The following VPS13A variants were observed in gnomAD, a reference collection of about 807,000 sequenced individuals.
VPS13A encodes the protein vacuolar protein sorting 13 homolog A, also known as intermembrane lipid transfer protein VPS13A.
Under a neutral mutation model 390.9 loss-of-function variants are expected in VPS13A, and 264 were observed. The observed-to-expected ratio is 0.68, with a 90% CI of 0.61 to 0.75. The LOEUF is 0.75. VPS13A is among the 30% of genes least tolerant of loss of function. VPS13A has a pLI of 0.00. For missense variants in VPS13A, 3,409 were observed against 3,733.9 expected (o/e 0.91, Z 2.27); for synonymous variants, 1,231 against 1,227.1 (o/e 1.00, Z -0.07).
chr9:77,258,109 T>C (rs1467518311), intron 22 of VPS13A, among the ~76,000 whole-genome samples: 1 of 152,222 alleles, frequency 6.6e-6, no homozygotes, highest in Non-Finnish European at 1.5e-5. Flanking sequence ...AGATTATTTA[T>C]TTCTAAATAG....
At chr9:77,227,296 A>G in intron 15 of VPS13A, 95 bp from the exon 16 acceptor site, 1 of 924,112 alleles carries the variant, frequency 1.1e-6, no homozygotes. Context: ...CGTTCAAGAA[A>G]GTAAATTTCA....
Position 77,206,068 on chromosome 9 carries a change from T to C in VPS13A, c.374T>C (p.Val125Ala), listed in dbSNP as rs554301406. Residue 125 changes from valine to alanine, a missense_variant, in exon 5 of 72, where the codon GTA (valine) becomes GCA (alanine). This residue lies in a region of VPS13A where 2,717 missense variants were observed against 2,917.4 expected (regional missense o/e 0.93). Coordinates refer to ENST00000360280, the MANE Select transcript of VPS13A (RefSeq NM_033305.3). The stretch of plus-strand genomic sequence containing the variant: ...AGAATAGAAGAAGCAAAACAAAAAG[T>C]AGTTGATCAAGGTAAAGAAAACAGT... ...LKRIEEAKQK[V>A]VDQEQHLPEK... The C allele has an allele frequency of 6.4e-7, 1 of 1,572,774 alleles. No homozygotes were observed. Among genetic ancestry groups the C allele is most frequent in the African/African-American group, 1.4e-5 (1 of 74,072 alleles).
At chr9:77,226,722 T>C in intron 15 of VPS13A, 124 bp downstream of exon 15, 1 of 819,704 alleles carries the variant, frequency 1.2e-6, no homozygotes, top group South Asian at 3.3e-5. Flanking sequence ...ATAAAGTTAT[T>C]ACAAATAAAA....
Position 77,276,060 on chromosome 9 carries a change from T to A in VPS13A, c.2668-5T>A. 1 of 1,611,286 alleles carries A rather than the reference T, an allele frequency of 6.2e-7. No homozygotes were observed. The highest frequency in any genetic ancestry group is 8.5e-7 in the Non-Finnish European group (1 of 1,179,658). On this transcript the variant is annotated splice_region_variant and splice_polypyrimidine_tract_variant and intron_variant, in intron 25 of 71. Transcript: ENST00000360280. ...GTGGTAATTTCTTTTTTCTTTCTTC[T>A]CCAGGTTTTGATCGAGTTTTATCAC...
rs1257389527 is a variant in VPS13A, at chr9:77,220,272, T to A, written c.883-5T>A. On this transcript the variant is annotated splice_region_variant and splice_polypyrimidine_tract_variant and intron_variant, in intron 11 of 71. Transcript: ENST00000360280. ...ATTTAAGAGCTTTAATTTTCCATTC[T>A]TTAGTATTTCAGTATTATGGAGCTT... 1.2e-6 allele frequency: 2 copies of A among 1,606,892 alleles called. No individual in the cohort carries two copies. The highest frequency in any genetic ancestry group is 2.2e-5 in the East Asian group (1 of 44,690).
intron 67 of VPS13A, among the ~76,000 whole-genome samples, chr9:77,373,351 T>G (rs1832888421): frequency 6.9e-6 from 1 of 144,032 alleles, no homozygotes; most frequent in Non-Finnish European, 1.5e-5. Flanking sequence ...AACTATCTGA[T>G]CTTTGACAAA....
chr9:77,274,396 C>G (rs534756378), intron 24 of VPS13A, among the ~76,000 whole-genome samples: 458 of 148,670 alleles, frequency 3.1e-3, no homozygotes, highest in Middle Eastern at 0.014. Context: ...CCACTGTGCT[C>G]CAGCCTGGTG....
intron 42 of VPS13A, among the ~76,000 whole-genome samples, 197 bp from the exon 43 acceptor site, chr9:77,320,972 T>C (rs999269871): frequency 6.6e-6 from 1 of 152,088 alleles, no homozygotes; most frequent in African/African-American, 2.4e-5. Context: ...GATGATGACA[T>C]GATTTATTTT....
chr9:77,260,821 G>A (rs1825717989), intron 23 of VPS13A, among the ~76,000 whole-genome samples: 3 of 151,978 alleles, frequency 2.0e-5, no homozygotes, highest in Admixed American at 2.0e-4. Context: ...AATTTTTGTG[G>A]CATATACTAG....
chr9:77,291,128 A>G (rs1827630595), intron 31 of VPS13A, among the ~76,000 whole-genome samples: 2 of 152,148 alleles, frequency 1.3e-5, no homozygotes, highest in Non-Finnish European at 2.9e-5. Flanking sequence ...AGGGAGCATT[A>G]TTGCCTGAGC....
chr9:77,281,737 GTGTA>G, intron 27 of VPS13A, 126 bp from the exon 28 acceptor site: 1 of 494,768 alleles, frequency 2.0e-6, no homozygotes, highest in Non-Finnish European at 3.6e-6. Context: ...GTGTGTATAT[GTGTA>G]TATATATATA....
chr9:77,281,735 ATGTG>A, intron 27 of VPS13A, 128 bp from the exon 28 acceptor site: 1 of 475,496 alleles, frequency 2.1e-6, no homozygotes, highest in Non-Finnish European at 3.7e-6. Context: ...GTGTGTGTAT[ATGTG>A]TATATATATA....
At chr9:77,318,067 C>A (rs1338338447) in intron 40 of VPS13A, among the ~76,000 whole-genome samples, 168 bp from the exon 41 acceptor site, 2 of 151,746 alleles carry the variant, frequency 1.3e-5, no homozygotes, top group Non-Finnish European at 1.5e-5. Context: ...AAACACATAA[C>A]AAGAATTATG....
chr9:77,367,957 T>G, intron 61 of VPS13A, 98 bp from the exon 62 acceptor site: 1 of 1,147,664 alleles, frequency 8.7e-7, no homozygotes. Context: ...AGGAAAGGTT[T>G]GGAGAAAAGA....
At chr9:77,268,790 AT>A (rs1049390535) in intron 23 of VPS13A, among the ~76,000 whole-genome samples, 3 of 152,050 alleles carry the variant, frequency 2.0e-5, no homozygotes, top group Non-Finnish European at 4.4e-5. Context: ...AAATATAAAA[AT>A]TAGCCAGGCA....
Position 77,416,109 on chromosome 9 carries a change from C to T in VPS13A, c.*103C>T, listed in dbSNP as rs1835160531. ...CATATTACAGAAATGATTTCAAGTA[C>T]CCTGTATTCTGGATGCTAAAAAACA... is the stretch of plus-strand genomic sequence containing the variant. On this transcript the variant is annotated 3_prime_UTR_variant, in exon 72 of 72. Coordinates refer to ENST00000360280, the MANE Select transcript of VPS13A (RefSeq NM_033305.3). 6 of 1,337,826 alleles carry T rather than the reference C, an allele frequency of 4.5e-6. No individual in the cohort carries two copies. The highest frequency in any genetic ancestry group is 2.1e-6 in the Non-Finnish European group (2 of 947,210). The allele number at this position is 1,337,826 out of a possible 1,614,324, so 82.9% of individuals were successfully genotyped here. A position where few individuals can be genotyped will look rare whatever the true frequency, so the allele number is the denominator to read the frequency against.
intron 45 of VPS13A, 54 bp downstream of exon 45, chr9:77,323,281 TA>T: frequency 6.3e-7 from 1 of 1,583,620 alleles, no homozygotes; most frequent in African/African-American, 1.4e-5. Flanking sequence ...TGTGTGCTAA[TA>T]AAATTAAAAA....
chr9:77,286,637 G>A (rs965616351), intron 31 of VPS13A, among the ~76,000 whole-genome samples: 1 of 152,094 alleles, frequency 6.6e-6, no homozygotes, highest in Non-Finnish European at 1.5e-5. Flanking sequence ...TCGCTTCTAA[G>A]AACTTTGCCA....
intron 38 of VPS13A, 122 bp downstream of exon 38, chr9:77,315,592 A>G: frequency 1.9e-6 from 2 of 1,026,144 alleles, no homozygotes; most frequent in Non-Finnish European, 2.9e-6. Context: ...TTTATTTTTC[A>G]GAGTAGAAGG....
Sources: gnomAD v4.1 joint callset for allele counts (sites outside exome capture counted in the v4.1 genomes callset) on GRCh38, gnomAD v4.1.1 for gene constraint, gnomAD v4.1.1 regional missense constraint, MANE v1.5 for transcripts, NCBI Gene and HGNC (gene_info 2026-07-23, HGNC 2026-07-21) for gene names.